Variants in EIF2AK4 observed in about 807,000 individuals in gnomAD.
EIF2AK4 encodes the protein eIF-2-alpha kinase GCN2.
A neutral mutation model predicts 211.1 loss-of-function variants in EIF2AK4; 139 were observed. That is an observed-to-expected ratio of 0.66 (90% CI 0.57 to 0.76). The LOEUF is 0.76. Among genes scored for constraint, EIF2AK4 ranks in the 30% least tolerant of loss-of-function variants. The pLI, the probability that EIF2AK4 is intolerant of heterozygous loss-of-function variation, is 0.00. For synonymous variants in EIF2AK4, 710 were observed against 751.3 expected, an observed-to-expected ratio of 0.94 and a Z score of 0.90; for missense variants, 1,664 against 2,043.8, an observed-to-expected ratio of 0.81 and a Z score of 3.58.
intron 14 of EIF2AK4, among the ~76,000 whole-genome samples, chr15:39,987,390 T>G (rs1438138048): frequency 6.6e-6 from 1 of 152,200 alleles, no homozygotes; most frequent in Non-Finnish European, 1.5e-5. Context: ...ACTCTGGCAC[T>G]AGTTGAAGCA....
Position 40,013,633 on chromosome 15 carries a change from C to T in EIF2AK4, c.3759+2287C>T, listed in dbSNP as rs565852177. 5.3e-5 allele frequency among the ~76,000 whole-genome samples: 8 copies of T among 152,284 alleles called. No individual in the cohort carries two copies. The Middle Eastern group carries it at 0.01, about 194-fold the overall frequency. ...TCCTCTTTATAAAACCATCAGATCT[C>T]GTGAGACTTATTCATTATCACAAGA... On this transcript the variant is annotated intron_variant, in intron 27 of 38. Coordinates refer to ENST00000263791, the MANE Select transcript of EIF2AK4 (RefSeq NM_001013703.4).
At chr15:39,980,282 T>C (rs999876577) in intron 13 of EIF2AK4, among the ~76,000 whole-genome samples, 4 of 152,144 alleles carry the variant, frequency 2.6e-5, no homozygotes, top group African/African-American at 9.7e-5. Context: ...AGACTAATGG[T>C]AAAGAAAATT....
chr15:39,975,898 A>T (rs1421705268), intron 11 of EIF2AK4, among the ~76,000 whole-genome samples: 1 of 152,188 alleles, frequency 6.6e-6, no homozygotes, highest in African/African-American at 2.4e-5. Context: ...ATTGAGTCTC[A>T]AGGAAATTAA....
intron 27 of EIF2AK4, among the ~76,000 whole-genome samples, chr15:40,011,674 G>A (rs1302867575): frequency 6.6e-6 from 1 of 152,174 alleles, no homozygotes; most frequent in Non-Finnish European, 1.5e-5. Flanking sequence ...CCTAATACCA[G>A]TTGTCCTCTT....
intron 25 of EIF2AK4, among the ~76,000 whole-genome samples, chr15:40,009,413 T>C (rs1287720657): frequency 4.6e-5 from 7 of 151,718 alleles, no homozygotes; most frequent in Non-Finnish European, 5.9e-5. Flanking sequence ...TGGATATATA[T>C]AATATAGTAT....
At position 39,976,417 on chromosome 15, in the gene EIF2AK4, C is replaced by T; in HGVS notation, c.1822C>T (p.Gln608Ter). Reference sequence around the variant, plus strand: ...CCTTCCCCTGGCTGTGCCGCAGGTGCAGAACAAGTTGGACGGCTGCTGCTA... The same window carrying T: ...CCTTCCCCTGGCTGTGCCGCAGGTGTAGAACAAGTTGGACGGCTGCTGCTA... The part of the protein sequence containing the change: ...KGAFGAVIKV[Q>*]NKLDGCCYAV... The change falls in exon 12 of 39, where the codon CAG (glutamine) becomes TAG (stop). Residue 608 changes from glutamine to a stop codon, truncating the protein, a stop_gained. Transcript: ENST00000263791. LOFTEE classifies it high-confidence loss of function. 6.3e-7 allele frequency: 1 copy of T among 1,595,350 alleles called. No individual in the cohort carries two copies. Among genetic ancestry groups the T allele is most frequent in the Non-Finnish European group, 8.5e-7 (1 of 1,170,740 alleles).
Position 39,967,343 on chromosome 15 carries a change from G to A in EIF2AK4, c.1018-1G>A. ...CTTTTTTTTTTTTTTTAACTTATCA[G>A]ATTCAAGGAACAGAAACAGAATTCA... On this transcript the variant is annotated splice_acceptor_variant, in intron 8 of 38. Transcript: ENST00000263791. LOFTEE classifies it high-confidence loss of function. 3 of 1,525,546 alleles carry A rather than the reference G, an allele frequency of 2.0e-6. No homozygotes were observed. The highest frequency in any genetic ancestry group is 1.2e-5 in the South Asian group (1 of 83,592). 94.5% of individuals were successfully genotyped at this position (1,525,546 alleles called of 1,614,324 possible).
intron 9 of EIF2AK4, 120 bp from the exon 10 acceptor site, chr15:39,972,787 TG>T: frequency 1.4e-6 from 1 of 718,948 alleles, no homozygotes; most frequent in South Asian, 1.8e-5. Context: ...TTCTGGTCTT[TG>T]AGTAACATGA....
intron 6 of EIF2AK4, among the ~76,000 whole-genome samples, chr15:39,959,128 T>C (rs893064536): frequency 1.3e-5 from 2 of 152,186 alleles, no homozygotes; most frequent in Non-Finnish European, 2.9e-5. Flanking sequence ...TATGATAATA[T>C]TGCAAACCTC....
At chr15:40,012,799 C>T (rs930540915) in intron 27 of EIF2AK4, among the ~76,000 whole-genome samples, 10 of 152,082 alleles carry the variant, frequency 6.6e-5, no homozygotes, top group African/African-American at 1.9e-4. Context: ...GTTAATTAGA[C>T]GTGTCTGATT....
intron 18 of EIF2AK4, 76 bp from the exon 19 acceptor site, chr15:39,996,888 T>A (rs1365836576): frequency 1.9e-6 from 2 of 1,047,338 alleles, no homozygotes; most frequent in African/African-American, 3.1e-5. Flanking sequence ...CAGCTAACAA[T>A]GCTTATCCTA....
In EIF2AK4 at chr15:40,016,520, T is replaced by TTTA. The variant is rs775311609; in HGVS notation, c.3781_3783dup (p.Ile1261dup). On this transcript the variant is annotated inframe_insertion, in exon 28 of 39. Coordinates refer to ENST00000263791, the MANE Select transcript of EIF2AK4 (RefSeq NM_001013703.4). ...TTTCCAGCTGTGTCGACTCTACAAG[T>TTTA]TTATTGAACAGAAGGGAGATTTGCA... The TTTA allele has an allele frequency of 3.1e-6, 5 of 1,614,010 alleles. No individual in the cohort carries two copies. The highest frequency in any genetic ancestry group is 3.3e-5 in the Admixed American group (2 of 59,998).
chr15:39,967,882 G>A lies in EIF2AK4; in HGVS notation c.1553+3G>A. 1 of 1,613,020 alleles carries A rather than the reference G, an allele frequency of 6.2e-7. No individual in the cohort carries two copies. The highest frequency in any genetic ancestry group is 1.1e-5 in the South Asian group (1 of 90,996). On this transcript the variant is annotated splice_donor_region_variant and intron_variant, in intron 9 of 38. Transcript: ENST00000263791. The stretch of plus-strand genomic sequence containing the variant: ...GACTTTCAAGATTTTCTAAAGAAGT[G>A]AGTATCACTGAGATTCTCTCTAATA...
At position 40,020,682 on chromosome 15, in the gene EIF2AK4, C is replaced by CT. The variant is rs369369347; in HGVS notation, c.4174-216dup. ...CCAGCCTGGGTGACAGAGTGAGACT[C>CT]TGTCTCAGAAAAAAAAAGAAAAAGT... is the stretch of plus-strand genomic sequence containing the variant. On this transcript the variant is annotated intron_variant, in intron 30 of 38. Coordinates refer to ENST00000263791, the MANE Select transcript of EIF2AK4 (RefSeq NM_001013703.4). The CT allele has an allele frequency of 3.5e-3, 943 of 272,718 alleles. 11 individuals carry two copies. Among genetic ancestry groups the CT allele is most frequent in the African/African-American group, 0.019 (858 of 44,484 alleles). 16.9% of individuals were successfully genotyped at this position (272,718 alleles called of 1,614,324 possible).
In EIF2AK4 at chr15:39,934,740, G is replaced by A. The variant is rs1166215099; in HGVS notation, c.144+401G>A. 2.0e-5 allele frequency among the ~76,000 whole-genome samples: 3 copies of A among 152,130 alleles called. 1 individual carries two copies. Among genetic ancestry groups the A allele is most frequent in the South Asian group, 4.1e-4 (2 of 4,826 alleles). On this transcript the variant is annotated intron_variant, in intron 1 of 38. Coordinates refer to ENST00000263791, the MANE Select transcript of EIF2AK4 (RefSeq NM_001013703.4). ...ACTTTGTTCTGAGAACGCTTTTTGG[G>A]CTCTCGCACAGGCCTTACGTCCTCA... is the stretch of plus-strand genomic sequence containing the variant.
intron 23 of EIF2AK4, among the ~76,000 whole-genome samples, chr15:40,004,554 T>TA (rs1420512089): frequency 1.3e-5 from 2 of 151,932 alleles, no homozygotes; most frequent in African/African-American, 4.8e-5. Flanking sequence ...ACAAAAAATT[T>TA]AAAAATTAGC....
At chr15:39,969,332 T>G (rs2034588896) in intron 9 of EIF2AK4, among the ~76,000 whole-genome samples, 1 of 151,712 alleles carries the variant, frequency 6.6e-6, no homozygotes, top group Non-Finnish European at 1.5e-5. Flanking sequence ...AGTTTTAAAC[T>G]TGAGATCAGC....
At chr15:39,959,868 A>T (rs1386954314) in intron 6 of EIF2AK4, among the ~76,000 whole-genome samples, 1 of 152,256 alleles carries the variant, frequency 6.6e-6, no homozygotes, top group Non-Finnish European at 1.5e-5. Context: ...TGATGTTTAG[A>T]ATATGTGGAC....
intron 37 of EIF2AK4, among the ~76,000 whole-genome samples, chr15:40,033,773 T>G (rs1342592410): frequency 6.6e-6 from 1 of 152,188 alleles, no homozygotes; most frequent in Non-Finnish European, 1.5e-5. Flanking sequence ...ACGCCTGTAA[T>G]CCCAGCACTT....
Sources: allele counts gnomAD v4.1 joint callset (sites outside exome capture counted in the v4.1 genomes callset), GRCh38; gene constraint gnomAD v4.1.1; transcripts MANE v1.5; gene names NCBI Gene and HGNC (gene_info 2026-07-23, HGNC 2026-07-21).